Variants in KBTBD11 observed in about 807,000 individuals in gnomAD.
The protein encoded by KBTBD11 is kelch repeat and BTB domain containing 11.
For synonymous variants in KBTBD11, 747 were observed against 499.0 expected, an observed-to-expected ratio of 1.50 and a Z score of -6.63; for missense variants, 1,390 against 1,001.8, an observed-to-expected ratio of 1.39 and a Z score of -5.23.
At chr8:1,985,639 C>T (rs1585731531) in intron 1 of KBTBD11, among the ~76,000 whole-genome samples, 1 of 152,248 alleles carries the variant, frequency 6.6e-6, no homozygotes, top group South Asian at 2.1e-4. Flanking sequence ...TAACTTCAAA[C>T]CTGCATTTTA....
At chr8:1,993,198 C>T (rs1302675243) in intron 1 of KBTBD11, among the ~76,000 whole-genome samples, 1 of 152,114 alleles carries the variant, frequency 6.6e-6, no homozygotes, top group African/African-American at 2.4e-5. Context: ...CCACCCACCT[C>T]AGCCTTCTGA....
chr8:2,002,163 A>G lies in KBTBD11; in HGVS notation c.971A>G (p.Asp324Gly). Residue 324 changes from aspartate (D) to glycine (G), a missense_variant, in exon 2 of 2, where the codon GAC (aspartate) becomes GGC (glycine). Coordinates refer to ENST00000320248, the MANE Select transcript of KBTBD11 (RefSeq NM_014867.3). The surrounding 1 kb of genome is among the most constrained non-coding windows in gnomAD (Gnocchi z 4.1). ...SPSGDADARG[D>G]AAVYCFHAAA... ...TCGGGGGACGCGGACGCGCGCGGGG[A>G]CGCGGCCGTCTACTGCTTCCACGCG... The G allele has an allele frequency of 8.3e-7, 1 of 1,199,938 alleles. No homozygotes were observed. The highest frequency in any genetic ancestry group is 1.0e-6 in the Non-Finnish European group (1 of 970,160). The allele number at this position is 1,199,938 out of a possible 1,614,324, so 74.3% of individuals were successfully genotyped here.
intron 1 of KBTBD11, among the ~76,000 whole-genome samples, chr8:1,996,333 C>T (rs904593475): frequency 2.0e-5 from 3 of 152,100 alleles, no homozygotes; most frequent in African/African-American, 7.2e-5. Context: ...ATGGCGTGAT[C>T]TCGGCTCACT....
At chr8:1,996,186 C>T (rs55883222) in intron 1 of KBTBD11, among the ~76,000 whole-genome samples, 19,748 of 152,242 alleles carry the variant, frequency 0.13, 3,202 homozygotes, top group African/African-American at 0.38. Flanking sequence ...CATGTGGGCA[C>T]GGCCCACCCA....
chr8:1,975,381 CGGT>C (rs1282497228), intron 1 of KBTBD11: 2 of 152,230 alleles, frequency 1.3e-5, no homozygotes, highest in African/African-American at 2.4e-5. Flanking sequence ...GCCAAGTTGA[CGGT>C]GGTCCTGTAA....
In KBTBD11 at chr8:2,005,124, A is replaced by G. The variant is rs1324922684; in HGVS notation, c.*2060A>G. 3 of 167,142 alleles carry G rather than the reference A, an allele frequency of 1.8e-5. No homozygotes were observed. Among genetic ancestry groups the G allele is most frequent in the East Asian group, 1.9e-4 (1 of 5,202 alleles). The allele number at this position is 167,142 out of a possible 1,614,324, so 10.4% of individuals were successfully genotyped here. On this transcript the variant is annotated 3_prime_UTR_variant, in exon 2 of 2. Coordinates refer to ENST00000320248, the MANE Select transcript of KBTBD11 (RefSeq NM_014867.3). Reference sequence around the variant, plus strand: ...GTGGATGTTGGATGGGGGTGGTTGCACAGTCCTGTGCGGTTCCCATGGCTT... The same window carrying G: ...GTGGATGTTGGATGGGGGTGGTTGCGCAGTCCTGTGCGGTTCCCATGGCTT...
rs1585765803 is a variant in KBTBD11, at chr8:2,002,923, G to A, written c.1731G>A (p.Arg577=). 4 of 1,323,256 alleles carry A rather than the reference G, an allele frequency of 3.0e-6. No homozygotes were observed. The East Asian group carries it at 9.4e-5, about 31-fold the overall frequency. 82.0% of individuals were successfully genotyped at this position (1,323,256 alleles called of 1,614,324 possible). ...RAGTWRFQPA[R]EGEAGGDAGQ... ...GCACCTGGCGCTTCCAGCCTGCCCG[G>A]GAAGGCGAGGCCGGCGGCGACGCAG... is the stretch of plus-strand genomic sequence containing the variant. Residue 577 remains arginine, a synonymous_variant, in exon 2 of 2, where the codon CGG becomes CGA. Coordinates refer to ENST00000320248, the MANE Select transcript of KBTBD11 (RefSeq NM_014867.3). The surrounding 1 kb of genome is among the most constrained non-coding windows in gnomAD (Gnocchi z 4.1).
Position 2,006,535 on chromosome 8 carries a change from T to C in KBTBD11, c.*3471T>C, listed in dbSNP as rs1317937542. On this transcript the variant is annotated 3_prime_UTR_variant, in exon 2 of 2. Transcript: ENST00000320248. The stretch of plus-strand genomic sequence containing the variant: ...CTGCAGTTGTTTCAGTTGTCTTGAA[T>C]TTCTTTCAGTGGCCACATCATTTCC... 1 of 167,054 alleles carries C rather than the reference T, an allele frequency of 6.0e-6. No homozygotes were observed. Among genetic ancestry groups the C allele is most frequent in the East Asian group, 1.9e-4 (1 of 5,200 alleles). 10.3% of individuals were successfully genotyped at this position (167,054 alleles called of 1,614,324 possible). A position where few individuals can be genotyped will look rare whatever the true frequency, so the allele number is the denominator to read the frequency against.
chr8:1,974,703 T>G, intron 1 of KBTBD11: 8 of 985,418 alleles, frequency 8.1e-6, no homozygotes, highest in African/African-American at 1.7e-5. Flanking sequence ...TGGGCGGGAT[T>G]CCGCAGGGGT....
In KBTBD11 at chr8:2,002,914, G is replaced by A. The variant is rs1448974068; in HGVS notation, c.1722G>A (p.Gln574=). 2 of 1,322,876 alleles carry A rather than the reference G, an allele frequency of 1.5e-6. No homozygotes were observed. The highest frequency in any genetic ancestry group is 4.0e-5 in the Admixed American group (1 of 24,718). 81.9% of individuals were successfully genotyped at this position (1,322,876 alleles called of 1,614,324 possible). A position where few individuals can be genotyped will look rare whatever the true frequency, so the allele number is the denominator to read the frequency against. The change falls in exon 2 of 2, where the codon CAG becomes CAA. Residue 574 remains glutamine (Q), a synonymous_variant. Transcript: ENST00000320248. This position sits in a 1 kb window ranked among gnomAD's most constrained non-coding sequence, Gnocchi z 4.1. The stretch of plus-strand genomic sequence containing the variant: ...GCCGCGCGGGCACCTGGCGCTTCCA[G>A]CCTGCCCGGGAAGGCGAGGCCGGCG... ...CVSRAGTWRF[Q]PAREGEAGGD...
chr8:1,974,486 G>T, intron 1 of KBTBD11: 11 of 984,796 alleles, frequency 1.1e-5, no homozygotes, highest in South Asian at 4.7e-5. Flanking sequence ...GCGAACGGGG[G>T]TCTCTCCTGG....
Position 2,001,403 on chromosome 8 carries a change from C to G in KBTBD11, c.211C>G (p.Pro71Ala). 1 of 1,409,482 alleles carries G rather than the reference C, an allele frequency of 7.1e-7. No individual in the cohort carries two copies. Among genetic ancestry groups the G allele is most frequent in the Non-Finnish European group, 9.2e-7 (1 of 1,085,580 alleles). The allele number at this position is 1,409,482 out of a possible 1,614,324, so 87.3% of individuals were successfully genotyped here. The change falls in exon 2 of 2, where the codon CCG becomes GCG. Residue 71 changes from proline to alanine, a missense_variant. By Grantham distance (27) the Pro-to-Ala change is conservative (BLOSUM62 -1). Coordinates refer to ENST00000320248, the MANE Select transcript of KBTBD11 (RefSeq NM_014867.3). ...CACCTCCCCGCCCTCCAGCGGTGGCCCGCGGGTGGTGGAGCGGCAGTGGGA... is the reference window on the plus strand; with the variant it reads ...CACCTCCCCGCCCTCCAGCGGTGGCGCGCGGGTGGTGGAGCGGCAGTGGGA... The part of the protein sequence containing the change: ...AATSPPSSGG[P>A]RVVERQWEAG...
At chr8:1,978,155 C>G (rs963255016) in intron 1 of KBTBD11, among the ~76,000 whole-genome samples, 4 of 152,226 alleles carry the variant, frequency 2.6e-5, no homozygotes, top group African/African-American at 7.2e-5. Flanking sequence ...TCTCCCTCCG[C>G]CGCCCTCTAC....
In KBTBD11 at chr8:2,001,782, C is replaced by T. The variant is rs1414277815; in HGVS notation, c.590C>T (p.Ala197Val). The T allele has an allele frequency of 7.1e-6, 9 of 1,266,210 alleles. No homozygotes were observed. In the South Asian group the frequency reaches 1.1e-4, roughly 15 times the overall value. 78.4% of individuals were successfully genotyped at this position (1,266,210 alleles called of 1,614,324 possible). A position where few individuals can be genotyped will look rare whatever the true frequency, so the allele number is the denominator to read the frequency against. Residue 197 changes from alanine to valine, a missense_variant, in exon 2 of 2, where the codon GCG becomes GTG. Ala to Val is a moderately conservative substitution (Grantham distance 64, BLOSUM62 0). Coordinates refer to ENST00000320248, the MANE Select transcript of KBTBD11 (RefSeq NM_014867.3). ...LLADAYSGRM[A>V]GVRPDNVAEV... ...GCCGACGCCTACAGCGGGCGCATGGCGGGCGTGCGGCCCGACAACGTGGCC... is the reference window on the plus strand; with the variant it reads ...GCCGACGCCTACAGCGGGCGCATGGTGGGCGTGCGGCCCGACAACGTGGCC...
rs1817462597 is a variant in KBTBD11 at position 2,003,131 on chromosome 8, G to A, written c.*67G>A. 3 of 1,249,472 alleles carry A rather than the reference G, an allele frequency of 2.4e-6. No homozygotes were observed. Among genetic ancestry groups the A allele is most frequent in the Non-Finnish European group, 3.0e-6 (3 of 989,828 alleles). 77.4% of individuals were successfully genotyped at this position (1,249,472 alleles called of 1,614,324 possible). Reference sequence around the variant, plus strand: ...GGGGCCCAGGTCCCTTTGGGCCCGCGGAGGAGGACGTGGTGGGGAGTCGGG... The same window carrying A: ...GGGGCCCAGGTCCCTTTGGGCCCGCAGAGGAGGACGTGGTGGGGAGTCGGG... On this transcript the variant is annotated 3_prime_UTR_variant, in exon 2 of 2. Transcript: ENST00000320248.
intron 1 of KBTBD11, among the ~76,000 whole-genome samples, chr8:1,987,116 G>A (rs1002623744): frequency 2.6e-5 from 4 of 151,400 alleles, no homozygotes; most frequent in South Asian, 4.2e-4. Context: ...CTGTGGTCCC[G>A]TCCCCGGCCT....
Position 2,001,809 on chromosome 8 carries a change from A to AGGT in KBTBD11, c.623_625dup (p.Val208dup). 8.1e-7 allele frequency: 1 copy of AGGT among 1,235,302 alleles called. No homozygotes were observed. The highest frequency in any genetic ancestry group is 1.0e-6 in the Non-Finnish European group (1 of 993,294). The allele number at this position is 1,235,302 out of a possible 1,614,324, so 76.5% of individuals were successfully genotyped here. A position where few individuals can be genotyped will look rare whatever the true frequency, so the allele number is the denominator to read the frequency against. On this transcript the variant is annotated inframe_insertion, in exon 2 of 2. Transcript: ENST00000320248. ...GGCGTGCGGCCCGACAACGTGGCCG[A>AGGT]GGTGGTGGCCGGCGCGCGCCGCCTG...
At chr8:1,984,532 C>G (rs1425164219) in intron 1 of KBTBD11, among the ~76,000 whole-genome samples, 1 of 152,076 alleles carries the variant, frequency 6.6e-6, no homozygotes, top group African/African-American at 2.4e-5. Flanking sequence ...TGCGATCCCC[C>G]CGCCTCAGCC....
intron 1 of KBTBD11, among the ~76,000 whole-genome samples, chr8:1,991,191 A>T (rs1215491353): frequency 6.6e-6 from 1 of 152,150 alleles, no homozygotes. Flanking sequence ...TTTGGCAGTG[A>T]CCTTGTCCTT....
Sources: allele counts gnomAD v4.1 joint callset (sites outside exome capture counted in the v4.1 genomes callset), GRCh38; gene constraint gnomAD v4.1.1; non-coding constraint Gnocchi (gnomAD v3.1); transcripts MANE v1.5; gene names NCBI Gene and HGNC (gene_info 2026-07-23, HGNC 2026-07-21).